Variants in DOT1L observed in about 807,000 individuals in gnomAD.
DOT1L encodes histone-lysine N-methyltransferase, H3 lysine-79 specific.
In DOT1L, 33 loss-of-function variants were observed where a neutral mutation model predicts 153.3. The ratio of observed to expected loss-of-function variants is 0.22; its 90% CI spans 0.16 to 0.29. DOT1L has a LOEUF of 0.29. Among genes scored for constraint, DOT1L ranks in the 10% least tolerant of loss-of-function variants. The pLI is 1.00. For synonymous variants in DOT1L, 1,135 were observed against 965.1 expected, an observed-to-expected ratio of 1.18 and a Z score of -3.26; for missense variants, 1,847 against 2,119.9, an observed-to-expected ratio of 0.87 and a Z score of 2.53.
At chr19:2,195,007 G>C (rs2022957176) in intron 7 of DOT1L, among the ~76,000 whole-genome samples, 1 of 152,168 alleles carries the variant, frequency 6.6e-6, no homozygotes, top group Admixed American at 6.5e-5. Context: ...CTCGGGGTGG[G>C]CAGTGTTCTC....
chr19:2,223,176 G>GGA (rs1465605074), intron 24 of DOT1L, 105 bp from the exon 25 acceptor site: 6 of 1,290,858 alleles, frequency 4.6e-6, no homozygotes, highest in Admixed American at 1.9e-5. Flanking sequence ...AGTTTCCTCA[G>GGA]GAGACCCTGG....
At position 2,207,746 on chromosome 19, in the gene DOT1L, GCT is replaced by G. The variant is rs1392639200; in HGVS notation, c.963+72_963+73del. 1 of 1,405,672 alleles carries G rather than the reference GCT, an allele frequency of 7.1e-7. No individual in the cohort carries two copies. Among genetic ancestry groups the G allele is most frequent in the Admixed American group, 2.1e-5 (1 of 48,098 alleles). 87.1% of individuals were successfully genotyped at this position (1,405,672 alleles called of 1,614,324 possible). On this transcript the variant is annotated intron_variant, in intron 11 of 27. Coordinates refer to ENST00000398665, the MANE Select transcript of DOT1L (RefSeq NM_032482.3). The surrounding 1 kb of genome is among the most constrained non-coding windows in gnomAD (Gnocchi z 4.5). ...TCTTCCACCCCGCCCACGTCACACT[GCT>G]CTCTCCTTTCTCATGTGGCCTCTGA... is the stretch of plus-strand genomic sequence containing the variant.
At chr19:2,195,422 C>T (rs938397567) in intron 7 of DOT1L, among the ~76,000 whole-genome samples, 11 of 152,166 alleles carry the variant, frequency 7.2e-5, no homozygotes, top group Non-Finnish European at 1.6e-4. Context: ...GCGCCCCGGG[C>T]CCATCTGCTC....
intron 1 of DOT1L, among the ~76,000 whole-genome samples, chr19:2,170,288 C>T (rs1053629001): frequency 1.3e-5 from 2 of 152,212 alleles, no homozygotes; most frequent in Non-Finnish European, 2.9e-5. Flanking sequence ...TGCCTTTCCA[C>T]GCTTGCCCCT....
At chr19:2,180,678 T>C (rs1599545291) in intron 1 of DOT1L, 35 bp from the exon 2 acceptor site, 1 of 1,613,356 alleles carries the variant, frequency 6.2e-7, no homozygotes, top group Non-Finnish European at 8.5e-7. Flanking sequence ...GGGTGGAGGA[T>C]GGCTCTGCGT....
rs2144868439 is a variant in DOT1L at position 2,216,606 on chromosome 19, G to A, written c.2249G>A (p.Cys750Tyr). The change falls in exon 20 of 28, where the codon TGT (cysteine) becomes TAT (tyrosine). Residue 750 changes from cysteine (C) to tyrosine (Y), a missense_variant. Transcript: ENST00000398665. ...ASPLDQEVVP[C>Y]TPSHVGRPRL... ...CCCCTGGACCAGGAGGTGGTGCCCT[G>A]TACCCCTAGCCACGTCGGCCGGCCG... is the stretch of plus-strand genomic sequence containing the variant. 1.2e-6 allele frequency: 2 copies of A among 1,607,568 alleles called. No individual in the cohort carries two copies. The highest frequency in any genetic ancestry group is 1.7e-6 in the Non-Finnish European group (2 of 1,179,916).
At chr19:2,229,133 A>G in intron 27 of DOT1L, 1 of 985,318 alleles carries the variant, frequency 1.0e-6, no homozygotes, top group Non-Finnish European at 1.2e-6. Flanking sequence ...CTTTGAGACC[A>G]GAAGGAAGTT....
chr19:2,188,480 G>GCCCCCCCCCCCCCCCCC lies in DOT1L; in HGVS notation c.201-1238_201-1237insCCCCCCCCCCCCCCCCC, dbSNP rs375314788. ...GCGGAGGAAAGAGTCCCCAGCCGCC[G>GCCCCCCCCCCCCCCCCC]CCCCCCCCCCCCCCACCCGCACAGG... On this transcript the variant is annotated intron_variant, in intron 3 of 27. Coordinates refer to ENST00000398665, the MANE Select transcript of DOT1L (RefSeq NM_032482.3). 1.2e-4 allele frequency among the ~76,000 whole-genome samples: 8 copies of GCCCCCCCCCCCCCCCCC among 66,994 alleles called. 1 individual carries two copies. The highest frequency in any genetic ancestry group is 4.3e-4 in the African/African-American group (6 of 14,054). The allele number at this position is 66,994 out of a possible 152,430, so 44.0% of individuals were successfully genotyped here.
intron 1 of DOT1L, among the ~76,000 whole-genome samples, chr19:2,168,883 G>C (rs2020024770): frequency 6.6e-6 from 1 of 152,208 alleles, no homozygotes; most frequent in African/African-American, 2.4e-5. Context: ...CAGAGTGCTA[G>C]GATTACAGGC....
intron 8 of DOT1L, among the ~76,000 whole-genome samples, chr19:2,201,031 G>T (rs1432875024): frequency 1.8e-4 from 13 of 71,626 alleles, no homozygotes; most frequent in Admixed American, 3.0e-4. Context: ...CGTCCTCCCC[G>T]CATTCCTCGT....
intron 16 of DOT1L, 99 bp from the exon 17 acceptor site, chr19:2,213,440 C>T (rs2023782745): frequency 6.6e-6 from 8 of 1,219,672 alleles, no homozygotes; most frequent in South Asian, 1.4e-5. Context: ...TGTCCTTGAG[C>T]GTGTCTTCAG....
rs368624146 is a variant in DOT1L at position 2,226,352 on chromosome 19, C to A, written c.3831C>A (p.Pro1277=). Residue 1277 remains proline, a synonymous_variant, in exon 27 of 28, where the codon CCC becomes CCA. Coordinates refer to ENST00000398665, the MANE Select transcript of DOT1L (RefSeq NM_032482.3). The stretch of plus-strand genomic sequence containing the variant: ...AGAACTCCCTGTTCACGTTCCGGCC[C>A]GCCCTGGAGGAGCCCTCTGCCGATG... ...LSQNSLFTFR[P]ALEEPSADAK... is the part of the protein sequence containing the mutation. 77 of 1,592,874 alleles carry A rather than the reference C, an allele frequency of 4.8e-5. 1 individual carries two copies. Among genetic ancestry groups the A allele is most frequent in the Non-Finnish European group, 5.9e-5 (69 of 1,171,940 alleles).
intron 1 of DOT1L, 73 bp downstream of exon 1, chr19:2,164,338 C>T: frequency 9.1e-7 from 1 of 1,098,342 alleles, no homozygotes; most frequent in Non-Finnish European, 1.2e-6. Flanking sequence ...ACCCCAAACC[C>T]CCCCAAGCCG....
rs535420212 is a variant in DOT1L at position 2,225,165 on chromosome 19, A to C, written c.3597-223A>C. Among the ~76,000 whole-genome samples the C allele has an allele frequency of 1.4e-4, 21 of 152,282 alleles. 1 individual carries two copies. The highest frequency in any genetic ancestry group is 3.1e-4 in the Non-Finnish European group (21 of 68,016). On this transcript the variant is annotated intron_variant, in intron 25 of 27. Coordinates refer to ENST00000398665, the MANE Select transcript of DOT1L (RefSeq NM_032482.3). ...CTGCTTGTCCCAGCAGAGGCCCTGG[A>C]GTCCCTGCCAGGACAGTACCCTTGT...
chr19:2,222,285 G>T lies in DOT1L; in HGVS notation c.3116G>T (p.Ser1039Ile), dbSNP rs769800200. ...GATTCCGGCTTCTCAGATCCTGAGA[G>T]TGAAGCCAAGAGGAGGATTGTGTTC... ...PSDSGFSDPE[S>I]EAKRRIVFTI... The change falls in exon 24 of 28, where the codon AGT becomes ATT. Residue 1039 changes from serine to isoleucine, a missense_variant. Physicochemically the swap from Ser to Ile is moderately radical, Grantham distance 142. This residue lies in a region of DOT1L where 934 missense variants were observed against 825.3 expected (regional missense o/e 1.13). Transcript: ENST00000398665. This position sits in a 1 kb window ranked among gnomAD's most constrained non-coding sequence, Gnocchi z 6.5. 14 of 1,613,142 alleles carry T rather than the reference G, an allele frequency of 8.7e-6. No homozygotes were observed. The highest frequency in any genetic ancestry group is 2.7e-5 in the African/African-American group (2 of 75,048).
chr19:2,214,465 C>T lies in DOT1L; in HGVS notation c.1798-6C>T. On this transcript the variant is annotated splice_region_variant and splice_polypyrimidine_tract_variant and intron_variant, in intron 18 of 27. Transcript: ENST00000398665. The stretch of plus-strand genomic sequence containing the variant: ...AGTCGCAACTGTCCCATCCCTATCC[C>T]CTCAGCTCAAGGCTCGCTGCGAGGA... The T allele has an allele frequency of 6.2e-7, 1 of 1,612,566 alleles. No individual in the cohort carries two copies. The highest frequency in any genetic ancestry group is 1.3e-5 in the African/African-American group (1 of 75,062).
rs767914410 is a variant in DOT1L at position 2,226,524 on chromosome 19, G to C, written c.4003G>C (p.Ala1335Pro). The C allele has an allele frequency of 6.2e-7, 1 of 1,600,770 alleles. No homozygotes were observed. The highest frequency in any genetic ancestry group is 8.5e-7 in the Non-Finnish European group (1 of 1,179,646). Residue 1335 changes from alanine (A) to proline (P), a missense_variant, in exon 27 of 28, where the codon GCT becomes CCT. This residue lies in a region of DOT1L where 934 missense variants were observed against 825.3 expected (regional missense o/e 1.13). Transcript: ENST00000398665. ...DLSLHSFSDG[A>P]SLPHKGPEAA... The stretch of plus-strand genomic sequence containing the variant: ...GAGTTTACACAGCTTCAGTGATGGT[G>C]CTTCTCTTCCCCACAAGGGCCCCGA...
In DOT1L at chr19:2,197,260, G is replaced by A. The variant is rs535409219; in HGVS notation, c.652-2624G>A. 5.3e-5 allele frequency among the ~76,000 whole-genome samples: 8 copies of A among 152,326 alleles called. No homozygotes were observed. The highest frequency in any genetic ancestry group is 4.1e-4 in the South Asian group (2 of 4,820). On this transcript the variant is annotated intron_variant, in intron 7 of 27. Transcript: ENST00000398665. The surrounding 1 kb of genome is among the most constrained non-coding windows in gnomAD (Gnocchi z 4.1). Reference sequence around the variant, plus strand: ...CATGGTGATTGTTCCCAAATGCTGTGCCCACAGTGGAAGCTGTGTGGTGTC... The same window carrying A: ...CATGGTGATTGTTCCCAAATGCTGTACCCACAGTGGAAGCTGTGTGGTGTC...
rs1415829136 is a variant in DOT1L at position 2,208,165 on chromosome 19, C to G, written c.963+485C>G. 1.3e-5 allele frequency among the ~76,000 whole-genome samples: 2 copies of G among 152,110 alleles called. No individual in the cohort carries two copies. Among genetic ancestry groups the G allele is most frequent in the Admixed American group, 6.5e-5 (1 of 15,286 alleles). ...GACACAGCCCTGGGCCAGTGTGCGG[C>G]CTGCCTGCCTCCCACGGTGCTTCCC... On this transcript the variant is annotated intron_variant, in intron 11 of 27. Coordinates refer to ENST00000398665, the MANE Select transcript of DOT1L (RefSeq NM_032482.3). This position sits in a 1 kb window ranked among gnomAD's most constrained non-coding sequence, Gnocchi z 4.4.
Sources: gnomAD v4.1 joint callset for allele counts (sites outside exome capture counted in the v4.1 genomes callset) on GRCh38, gnomAD v4.1.1 for gene constraint, gnomAD v4.1.1 regional missense constraint, Gnocchi (gnomAD v3.1) non-coding constraint, MANE v1.5 for transcripts, NCBI Gene and HGNC (gene_info 2026-07-23, HGNC 2026-07-21) for gene names.